EXOC6: variants seen among roughly 807,000 people sequenced by gnomAD.
The protein encoded by EXOC6 is SEC15-like 1.
In EXOC6, 60 loss-of-function variants were observed where a neutral mutation model predicts 112.5. That is an observed-to-expected ratio of 0.53 (90% CI 0.43 to 0.66). EXOC6 has a LOEUF of 0.66. EXOC6 is among the 30% of genes least tolerant of loss of function. The pLI, the probability that EXOC6 is intolerant of heterozygous loss-of-function variation, is 0.00. For missense variants in EXOC6, 855 were observed against 957.1 expected (o/e 0.89, Z 1.41); for synonymous variants, 295 against 308.0 (o/e 0.96, Z 0.44).
chr10:93,001,990 A>G (rs1449708620), intron 19 of EXOC6, among the ~76,000 whole-genome samples: 1 of 152,220 alleles, frequency 6.6e-6, no homozygotes, highest in Non-Finnish European at 1.5e-5. Context: ...GTACAGAACA[A>G]GTATAATTAT....
intron 8 of EXOC6, 141 bp from the exon 9 acceptor site, chr10:92,928,198 C>T: frequency 2.0e-6 from 1 of 507,698 alleles, no homozygotes; most frequent in Admixed American, 3.9e-5. Context: ...AAAACTTATT[C>T]TTGACATTCT....
At chr10:92,884,363 AGC>A (rs777995307) in intron 1 of EXOC6, among the ~76,000 whole-genome samples, 1 of 152,206 alleles carries the variant, frequency 6.6e-6, no homozygotes, top group Non-Finnish European at 1.5e-5. Flanking sequence ...TTTTCTTAAA[AGC>A]AGTTGATTGA....
At position 92,888,387 on chromosome 10, in the gene EXOC6, T is replaced by C. The variant is rs1849334853; in HGVS notation, c.102-4962T>C. Among the ~76,000 whole-genome samples, 3 of 152,182 alleles carry C rather than the reference T, an allele frequency of 2.0e-5. No homozygotes were observed. The South Asian group carries it at 6.2e-4, about 32-fold the overall frequency. ...CTTTGAAGAATATATTGGAAAAACA[T>C]ACCAAAGGATTTACTTTGAGAACTT... is the stretch of plus-strand genomic sequence containing the variant. On this transcript the variant is annotated intron_variant, in intron 1 of 21. Transcript: ENST00000260762.
rs572224000 is a variant in EXOC6 at position 93,009,228 on chromosome 10, TAAAA to T, written c.2096-4965_2096-4962del. 2.2e-3 allele frequency among the ~76,000 whole-genome samples: 341 copies of T among 152,118 alleles called. 4 individuals are homozygous for T. Among genetic ancestry groups the T allele is most frequent in the African/African-American group, 7.8e-3 (322 of 41,526 alleles). On this transcript the variant is annotated intron_variant, in intron 19 of 21. Transcript: ENST00000260762. ...CTGTCGCAAAAAAAATTAACTAAAA[TAAAA>T]CCAAAAATTAAGTTTAGCATGGATA...
intron 21 of EXOC6, 49 bp downstream of exon 21, chr10:93,057,085 T>G (rs1846578065): frequency 2.0e-6 from 2 of 989,204 alleles, no homozygotes; most frequent in Non-Finnish European, 3.0e-6. Flanking sequence ...CACCTTTTGA[T>G]TCAGTGATAA....
At position 92,958,636 on chromosome 10, in the gene EXOC6, G is replaced by A. The variant is rs117758255; in HGVS notation, c.1773+2922G>A. ...TCAGTTCTTCCCAACTTGATCTACA[G>A]ATTTAATGTATTCCCCATTAATATC... On this transcript the variant is annotated intron_variant, in intron 17 of 21. Transcript: ENST00000260762. Among the ~76,000 whole-genome samples the A allele has an allele frequency of 3.6e-3, 549 of 152,284 alleles. 1 individual carries two copies. The highest frequency in any genetic ancestry group is 8.9e-3 in the Admixed American group (136 of 15,298).
At chr10:92,940,114 A>G (rs1852572621) in intron 12 of EXOC6, among the ~76,000 whole-genome samples, 1 of 152,136 alleles carries the variant, frequency 6.6e-6, no homozygotes, top group African/African-American at 2.4e-5. Flanking sequence ...GGAATGGTTT[A>G]TGTGGAAGGA....
chr10:92,935,821 G>A lies in EXOC6; in HGVS notation c.1148G>A (p.Cys383Tyr), dbSNP rs747990167. 6.2e-7 allele frequency: 1 copy of A among 1,607,042 alleles called. No homozygotes were observed. The highest frequency in any genetic ancestry group is 1.1e-5 in the South Asian group (1 of 90,680). The part of the protein sequence containing the change: ...IAVLRAHSSY[C>Y]TDPDLVLELK... ...GTGTGTTTCCACCCTCAGTCCTATT[G>A]CACTGATCCTGATCTTGTTCTGGAG... is the stretch of plus-strand genomic sequence containing the variant. Residue 383 changes from cysteine (C) to tyrosine (Y), a missense_variant, in exon 12 of 22, where the codon TGC becomes TAC. Physicochemically the swap from Cys to Tyr is radical, Grantham distance 194 (BLOSUM62 -2). This residue lies in a region of EXOC6 where 450 missense variants were observed against 563.5 expected (regional missense o/e 0.80). Coordinates refer to ENST00000260762, the MANE Select transcript of EXOC6 (RefSeq NM_019053.6).
intron 18 of EXOC6, among the ~76,000 whole-genome samples, chr10:92,984,520 TTTTTGTTTTG>T (rs200335749): frequency 1.1e-4 from 16 of 152,092 alleles, no homozygotes; most frequent in African/African-American, 3.1e-4. Flanking sequence ...GCTTCTTGTT[TTTTTGTTTTG>T]TTTTGTTTTG....
At chr10:92,850,740 A>G (rs1257800279) in intron 1 of EXOC6, among the ~76,000 whole-genome samples, 1 of 152,226 alleles carries the variant, frequency 6.6e-6, no homozygotes, top group African/African-American at 2.4e-5. Flanking sequence ...CAATTTATTC[A>G]TAAATATTTT....
chr10:92,991,757 A>ATG (rs1420269071), intron 18 of EXOC6, among the ~76,000 whole-genome samples: 3 of 144,518 alleles, frequency 2.1e-5, no homozygotes, highest in Non-Finnish European at 4.6e-5. Flanking sequence ...CTCTCTCTGT[A>ATG]TGTGTGTGTG....
intron 1 of EXOC6, among the ~76,000 whole-genome samples, chr10:92,849,058 G>C (rs530544366): frequency 8.7e-4 from 132 of 152,220 alleles, no homozygotes; most frequent in African/African-American, 3.1e-3. Flanking sequence ...GGCACCCGGC[G>C]TGACGGAGGT....
chr10:92,941,462 G>A (rs904138119), intron 13 of EXOC6, among the ~76,000 whole-genome samples: 5 of 152,092 alleles, frequency 3.3e-5, no homozygotes, highest in Non-Finnish European at 5.9e-5. Flanking sequence ...GTGAAATGCT[G>A]GATCATATGT....
intron 5 of EXOC6, among the ~76,000 whole-genome samples, chr10:92,902,764 A>AATTTCT (rs1296350443): frequency 1.3e-5 from 2 of 152,040 alleles, no homozygotes; most frequent in Non-Finnish European, 2.9e-5. Context: ...ACCTCCTTCC[A>AATTTCT]ATTTCTCCTC....
At chr10:93,008,007 CTTCTA>C (rs954559724) in intron 19 of EXOC6, among the ~76,000 whole-genome samples, 9 of 152,052 alleles carry the variant, frequency 5.9e-5, no homozygotes, top group Non-Finnish European at 7.4e-5. Flanking sequence ...AACCCCTTCT[CTTCTA>C]AAAATACAAA....
At chr10:92,942,901 A>G (rs1157444125) in intron 13 of EXOC6, among the ~76,000 whole-genome samples, 1 of 152,190 alleles carries the variant, frequency 6.6e-6, no homozygotes, top group Admixed American at 6.5e-5. Flanking sequence ...AGATAGGATT[A>G]ATTTTATCCT....
At chr10:93,053,731 C>T (rs1378260736) in intron 20 of EXOC6, among the ~76,000 whole-genome samples, 1 of 152,244 alleles carries the variant, frequency 6.6e-6, no homozygotes, top group Non-Finnish European at 1.5e-5. Flanking sequence ...ATCATTTAAT[C>T]AGTTATTTCC....
intron 20 of EXOC6, among the ~76,000 whole-genome samples, chr10:93,018,282 T>C (rs2134249525): frequency 6.6e-6 from 1 of 152,254 alleles, no homozygotes; most frequent in Non-Finnish European, 1.5e-5. Flanking sequence ...TTAAAAGGTA[T>C]AATAATGACA....
At position 92,912,145 on chromosome 10, in the gene EXOC6, C is replaced by T. The variant is rs148863069; in HGVS notation, c.663+2514C>T. Reference sequence around the variant, plus strand: ...TATCCTGTGCTTAATTCCGTGATCTCGTATCCCTTTTACGGATGGATGGAC... The same window carrying T: ...TATCCTGTGCTTAATTCCGTGATCTTGTATCCCTTTTACGGATGGATGGAC... On this transcript the variant is annotated intron_variant, in intron 6 of 21. Coordinates refer to ENST00000260762, the MANE Select transcript of EXOC6 (RefSeq NM_019053.6). 1.7e-3 allele frequency among the ~76,000 whole-genome samples: 256 copies of T among 151,564 alleles called. 2 individuals carry two copies. The highest frequency in any genetic ancestry group is 5.9e-3 in the African/African-American group (245 of 41,282).
Sources: allele counts gnomAD v4.1 joint callset (sites outside exome capture counted in the v4.1 genomes callset), GRCh38; gene constraint gnomAD v4.1.1; regional missense constraint gnomAD v4.1.1; transcripts MANE v1.5; gene names NCBI Gene and HGNC (gene_info 2026-07-23, HGNC 2026-07-21).